The following CHRM3 variants were observed in gnomAD, a reference collection of about 807,000 sequenced individuals.
The protein encoded by CHRM3 is cholinergic receptor muscarinic 3, also known as muscarinic acetylcholine receptor M3.
A neutral mutation model predicts 41.8 loss-of-function variants in CHRM3; 11 were observed. The ratio of observed to expected loss-of-function variants is 0.26; its 90% confidence interval spans 0.17 to 0.44. CHRM3 has a LOEUF of 0.44. CHRM3 is among the 20% of genes least tolerant of loss of function. CHRM3 has a pLI of 1.00. For missense variants in CHRM3, 571 were observed against 745.4 expected (o/e 0.77, Z 2.72); for synonymous variants, 297 against 301.4 (o/e 0.99, Z 0.15).
chr1:239,793,803 ATTTTT>A lies in CHRM3; in HGVS notation c.-146-33428_-146-33424del, dbSNP rs67460907. On this transcript the variant is annotated intron_variant, in intron 5 of 6. Transcript: ENST00000676153. Reference sequence around the variant, plus strand: ...TGAACTTGTCAGAAATGAAATGTGTATTTTTTTTTTTTTTTTTTTTTTTTTGGTGA... The same window carrying A: ...TGAACTTGTCAGAAATGAAATGTGTATTTTTTTTTTTTTTTTTTTTGGTGA... Among the ~76,000 whole-genome samples the A allele has an allele frequency of 3.2e-4, 22 of 69,494 alleles. No individual in the cohort carries two copies. In the South Asian group the frequency reaches 7.2e-3, roughly 23 times the overall value. 45.6% of individuals were successfully genotyped at this position (69,494 alleles called of 152,430 possible).
intron 5 of CHRM3, among the ~76,000 whole-genome samples, chr1:239,691,479 C>A (rs996569528): frequency 4.6e-5 from 7 of 151,800 alleles, no homozygotes; most frequent in Non-Finnish European, 7.4e-5. Context: ...TTAGCCAAGA[C>A]ACATCGATAA....
At chr1:239,715,524 G>A (rs1662260936) in intron 5 of CHRM3, among the ~76,000 whole-genome samples, 1 of 152,066 alleles carries the variant, frequency 6.6e-6, no homozygotes, top group Non-Finnish European at 1.5e-5. Flanking sequence ...CTTATTGAAT[G>A]CAGATTTGAG....
At chr1:239,395,879 C>T (rs1034032858) in intron 1 of CHRM3, among the ~76,000 whole-genome samples, 1 of 152,170 alleles carries the variant, frequency 6.6e-6, no homozygotes, top group Non-Finnish European at 1.5e-5. Flanking sequence ...CCTTGAACAC[C>T]TTCTTTGACA....
chr1:239,522,238 G>C (rs962978331), intron 2 of CHRM3, among the ~76,000 whole-genome samples: 1 of 152,144 alleles, frequency 6.6e-6, no homozygotes, highest in Non-Finnish European at 1.5e-5. Flanking sequence ...TGTAATTAGG[G>C]AGTTGTAGAT....
chr1:239,554,837 C>CTCCT (rs1660211246), intron 3 of CHRM3, among the ~76,000 whole-genome samples: 1 of 149,102 alleles, frequency 6.7e-6, no homozygotes. Context: ...TCAAGCAATT[C>CTCCT]TCCTGCCTCA....
chr1:239,437,685 C>T (rs1456760897), intron 1 of CHRM3, among the ~76,000 whole-genome samples: 1 of 152,106 alleles, frequency 6.6e-6, no homozygotes, highest in Non-Finnish European at 1.5e-5. Context: ...TACAAGCATG[C>T]ATCACACCCT....
intron 6 of CHRM3, among the ~76,000 whole-genome samples, chr1:239,858,519 T>TG (rs1272767784): frequency 5.4e-5 from 2 of 37,094 alleles, no homozygotes; most frequent in Non-Finnish European, 7.2e-5. Context: ...TATTTTCATT[T>TG]GGAAAAAAAA....
intron 4 of CHRM3, among the ~76,000 whole-genome samples, chr1:239,645,910 A>C (rs2148945871): frequency 6.8e-6 from 1 of 146,088 alleles, no homozygotes; most frequent in Non-Finnish European, 1.5e-5. Flanking sequence ...GGAGAAATTA[A>C]GTTACATTCA....
intron 6 of CHRM3, among the ~76,000 whole-genome samples, chr1:239,852,946 A>T (rs1303639508): frequency 6.6e-6 from 1 of 152,112 alleles, no homozygotes; most frequent in Non-Finnish European, 1.5e-5. Context: ...TCTTATAAAA[A>T]GTTAATACAT....
intron 5 of CHRM3, among the ~76,000 whole-genome samples, chr1:239,791,297 G>T (rs1453416574): frequency 3.3e-5 from 5 of 152,122 alleles, no homozygotes; most frequent in Non-Finnish European, 7.3e-5. Context: ...TAGAGACAGG[G>T]TTTCACCATG....
chr1:239,520,384 C>T (rs1336773264), intron 2 of CHRM3, among the ~76,000 whole-genome samples: 4 of 152,112 alleles, frequency 2.6e-5, no homozygotes, highest in Admixed American at 2.6e-4. Flanking sequence ...AATCGTTTGG[C>T]ACCATCTCCT....
chr1:239,572,772 A>C (rs373988761), intron 3 of CHRM3, among the ~76,000 whole-genome samples: 6 of 152,228 alleles, frequency 3.9e-5, no homozygotes, highest in Admixed American at 6.5e-5. Flanking sequence ...TGGGATGCAT[A>C]TGAAACATAT....
intron 6 of CHRM3, among the ~76,000 whole-genome samples, chr1:239,859,819 T>TTATATATATATATA (rs55700294): frequency 0.019 from 2,492 of 130,704 alleles, 44 homozygotes; most frequent in Non-Finnish European, 0.024. Flanking sequence ...TCTAAGTGTT[T>TTATATATATATATA]TATATATATA....
At chr1:239,806,611 G>T (rs1016690464) in intron 5 of CHRM3, among the ~76,000 whole-genome samples, 1 of 152,204 alleles carries the variant, frequency 6.6e-6, no homozygotes, top group Non-Finnish European at 1.5e-5. Context: ...GGGAGTGTGG[G>T]GATGAGCCAT....
At chr1:239,584,351 G>A (rs559189110) in intron 3 of CHRM3, among the ~76,000 whole-genome samples, 30 of 152,056 alleles carry the variant, frequency 2.0e-4, no homozygotes, top group African/African-American at 6.3e-4. Flanking sequence ...TGATCTGCCC[G>A]CCTCAGCCTC....
intron 2 of CHRM3, among the ~76,000 whole-genome samples, chr1:239,518,908 G>A (rs745406767): frequency 5.9e-5 from 9 of 152,192 alleles, no homozygotes; most frequent in South Asian, 2.1e-4. Flanking sequence ...ATTTACCTTC[G>A]AAAAGTTTTA....
intron 1 of CHRM3, among the ~76,000 whole-genome samples, chr1:239,485,978 C>T (rs2148030478): frequency 6.6e-6 from 1 of 152,284 alleles, no homozygotes; most frequent in Admixed American, 6.5e-5. Context: ...AAGCACTTAC[C>T]TAGGGGTACT....
chr1:239,403,976 G>GGAGAGAGAGAGAGAGAGAGAGAGAGA lies in CHRM3; in HGVS notation c.-521+16762_-521+16787dup, dbSNP rs531556599. On this transcript the variant is annotated intron_variant, in intron 1 of 6. Coordinates refer to ENST00000676153, the MANE Select transcript of CHRM3 (RefSeq NM_001375978.1). ...GGGAGGGAGGGAGGGAGAGGGAGGG[G>GGAGAGAGAGAGAGAGAGAGAGAGAGA]GAGAGAGAGAGAGAGAGAGAGAGAG... Among the ~76,000 whole-genome samples, 6 of 46,506 alleles carry GGAGAGAGAGAGAGAGAGAGAGAGAGA rather than the reference G, an allele frequency of 1.3e-4. 1 individual carries two copies. The highest frequency in any genetic ancestry group is 1.6e-4 in the Non-Finnish European group (4 of 25,764). The allele number at this position is 46,506 out of a possible 152,430, so 30.5% of individuals were successfully genotyped here. A position where few individuals can be genotyped will look rare whatever the true frequency, so the allele number is the denominator to read the frequency against.
intron 5 of CHRM3, among the ~76,000 whole-genome samples, chr1:239,725,612 C>A (rs1347737003): frequency 6.6e-6 from 1 of 151,856 alleles, no homozygotes; most frequent in Non-Finnish European, 1.5e-5. Flanking sequence ...GGGCAGAATA[C>A]TTTGTCATCA....
Sources: allele counts gnomAD v4.1 joint callset (sites outside exome capture counted in the v4.1 genomes callset), GRCh38; gene constraint gnomAD v4.1.1; transcripts MANE v1.5; gene names NCBI Gene and HGNC (gene_info 2026-07-23, HGNC 2026-07-21).